RAP1GAP: variants seen among roughly 807,000 people sequenced by gnomAD.
The protein encoded by RAP1GAP is RAP1 GTPase activating protein, also known as rap1 GTPase-activating protein 1.
RAP1GAP carries 35 observed loss-of-function variants against 87.2 expected under a neutral mutation model. That is an observed-to-expected ratio of 0.40 (90% CI 0.31 to 0.53). The LOEUF is 0.53. Among genes scored for constraint, RAP1GAP ranks in the 20% least tolerant of loss-of-function variants. The pLI, the probability that RAP1GAP is intolerant of heterozygous loss-of-function variation, is 0.48. For missense variants in RAP1GAP, 734 were observed against 898.9 expected, an observed-to-expected ratio of 0.82 and a Z score of 2.35; for synonymous variants, 375 against 363.9, an observed-to-expected ratio of 1.03 and a Z score of -0.35.
rs757662169 is a variant in RAP1GAP, at chr1:21,626,413, T to G, written c.-112-16A>C. ...ATCGCTCCTCCTGGAAGAGAAAGAGTCTGAGGTCAGGGAGAGCCCCAAGCC... is the reference window on the plus strand; with the variant it reads ...ATCGCTCCTCCTGGAAGAGAAAGAGGCTGAGGTCAGGGAGAGCCCCAAGCC... On this transcript the variant is annotated splice_polypyrimidine_tract_variant and intron_variant, in intron 2 of 24. Transcript: ENST00000374765. The G allele has an allele frequency of 2.8e-5, 45 of 1,599,114 alleles. No individual in the cohort carries two copies. Among genetic ancestry groups the G allele is most frequent in the Non-Finnish European group, 3.8e-5 (44 of 1,167,162 alleles).
At chr1:21,662,065 C>T (rs991271526) in intron 1 of RAP1GAP, among the ~76,000 whole-genome samples, 6 of 152,206 alleles carry the variant, frequency 3.9e-5, no homozygotes, top group Admixed American at 2.0e-4. Context: ...TGCCCTGGCC[C>T]CATACAGACC....
chr1:21,601,594 G>A, intron 20 of RAP1GAP, 90 bp downstream of exon 20: 1 of 940,888 alleles, frequency 1.1e-6, no homozygotes, highest in South Asian at 2.0e-5. Flanking sequence ...CACAGTCAAG[G>A]CTCCTGTGCT....
At chr1:21,630,896 C>T (rs946403564) in intron 2 of RAP1GAP, among the ~76,000 whole-genome samples, 1 of 152,022 alleles carries the variant, frequency 6.6e-6, no homozygotes, top group Non-Finnish European at 1.5e-5. Flanking sequence ...AAGCCTCTTC[C>T]CTCCTCACCA....
chr1:21,654,496 G>A (rs2096780523), intron 1 of RAP1GAP, among the ~76,000 whole-genome samples: 1 of 152,250 alleles, frequency 6.6e-6, no homozygotes, highest in South Asian at 2.1e-4. Flanking sequence ...ATAAAGCACT[G>A]AGAAGAGTAG....
At chr1:21,618,884 C>T (rs1418709950) in intron 5 of RAP1GAP, 141 bp downstream of exon 5, 3 of 970,020 alleles carry the variant, frequency 3.1e-6, no homozygotes, top group Non-Finnish European at 4.6e-6. Flanking sequence ...GCTGTGCCTC[C>T]CCCCCTACCC....
At chr1:21,640,689 G>C (rs1184680972) in intron 2 of RAP1GAP, among the ~76,000 whole-genome samples, 1 of 148,856 alleles carries the variant, frequency 6.7e-6, no homozygotes, top group African/African-American at 2.5e-5. Flanking sequence ...GACTAAAATA[G>C]GTCCAGGGTC....
At chr1:21,627,694 T>A (rs904630131) in intron 2 of RAP1GAP, among the ~76,000 whole-genome samples, 10 of 151,818 alleles carry the variant, frequency 6.6e-5, no homozygotes, top group African/African-American at 2.4e-4. Flanking sequence ...AGATTATAGG[T>A]GTGAGCCACT....
At chr1:21,665,145 C>A in intron 1 of RAP1GAP, 1 of 415,254 alleles carries the variant, frequency 2.4e-6, no homozygotes, top group Non-Finnish European at 5.0e-6. Context: ...ACATACTCAT[C>A]AGGCAAGTGC....
At chr1:21,642,812 C>T (rs1344540456) in intron 2 of RAP1GAP, among the ~76,000 whole-genome samples, 1 of 151,814 alleles carries the variant, frequency 6.6e-6, no homozygotes, top group Admixed American at 6.6e-5. Context: ...TTCTCCTCCA[C>T]ATTGCTGACC....
Position 21,613,772 on chromosome 1 carries a change from C to G in RAP1GAP, c.396-66G>C, listed in dbSNP as rs2080037188. The G allele has an allele frequency of 1.4e-6, 2 of 1,480,594 alleles. No homozygotes were observed. The highest frequency in any genetic ancestry group is 1.4e-5 in the African/African-American group (1 of 72,112). 91.7% of individuals were successfully genotyped at this position (1,480,594 alleles called of 1,614,324 possible). ...GACAGGAAAATGGGAACCCCACCCC[C>G]CACAAAGTAAGGCCAGAAGGGGGTG... is the stretch of plus-strand genomic sequence containing the variant. On this transcript the variant is annotated intron_variant, in intron 8 of 24. Coordinates refer to ENST00000374765, the MANE Select transcript of RAP1GAP (RefSeq NM_002885.4). The surrounding 1 kb of genome is among the most constrained non-coding windows in gnomAD (Gnocchi z 4.7).
At chr1:21,621,026 A>G (rs1445498132) in intron 3 of RAP1GAP, among the ~76,000 whole-genome samples, 1 of 152,216 alleles carries the variant, frequency 6.6e-6, no homozygotes, top group African/African-American at 2.4e-5. Context: ...AGAGCTATAT[A>G]CTAACACACA....
At chr1:21,665,422 C>T (rs1297827778) in intron 1 of RAP1GAP, 2 of 309,784 alleles carry the variant, frequency 6.5e-6, no homozygotes, top group Non-Finnish European at 1.4e-5. Context: ...ATCTCTGTGC[C>T]CCAGTGCCTG....
rs1182692125 is a variant in RAP1GAP, at chr1:21,596,694, G to GA, written c.*604dup. The GA allele has an allele frequency of 2.0e-5, 3 of 152,244 alleles. No homozygotes were observed. Among genetic ancestry groups the GA allele is most frequent in the Non-Finnish European group, 4.4e-5 (3 of 68,032 alleles). 9.4% of individuals were successfully genotyped at this position (152,244 alleles called of 1,614,324 possible). A position where few individuals can be genotyped will look rare whatever the true frequency, so the allele number is the denominator to read the frequency against. ...TAGGGTGATAGGAGGTCCCTGGGAA[G>GA]AAAATCCTACCTTCTAAGGCAGGTG... On this transcript the variant is annotated 3_prime_UTR_variant, in exon 25 of 25. Coordinates refer to ENST00000374765, the MANE Select transcript of RAP1GAP (RefSeq NM_002885.4).
At chr1:21,602,975 T>G in intron 18 of RAP1GAP, 62 bp from the exon 19 acceptor site, 1 of 1,255,570 alleles carries the variant, frequency 8.0e-7, no homozygotes, top group Non-Finnish European at 1.1e-6. Flanking sequence ...CCCCCCCACA[T>G]CCCCTCTGGG....
rs2149264653 is a variant in RAP1GAP at position 21,609,722 on chromosome 1, G to T, written c.1000-76C>A. 1 of 1,152,666 alleles carries T rather than the reference G, an allele frequency of 8.7e-7. No individual in the cohort carries two copies. Among genetic ancestry groups the T allele is most frequent in the Non-Finnish European group, 1.2e-6 (1 of 827,268 alleles). 71.4% of individuals were successfully genotyped at this position (1,152,666 alleles called of 1,614,324 possible). Reference sequence around the variant, plus strand: ...CCCCACCCAGCCAGAAACCCCTACTGTGCCTCCCTGGACTGCCCCTTGGTC... The same window carrying T: ...CCCCACCCAGCCAGAAACCCCTACTTTGCCTCCCTGGACTGCCCCTTGGTC... On this transcript the variant is annotated intron_variant, in intron 14 of 24. Transcript: ENST00000374765. This position sits in a 1 kb window ranked among gnomAD's most constrained non-coding sequence, Gnocchi z 4.4.
rs951098291 is a variant in RAP1GAP at position 21,615,584 on chromosome 1, G to A, written c.292-1495C>T. Among the ~76,000 whole-genome samples the A allele has an allele frequency of 2.0e-5, 3 of 152,102 alleles. No homozygotes were observed. The highest frequency in any genetic ancestry group is 3.9e-4 in the East Asian group (2 of 5,188). On this transcript the variant is annotated intron_variant, in intron 7 of 24. Transcript: ENST00000374765. This position sits in a 1 kb window ranked among gnomAD's most constrained non-coding sequence, Gnocchi z 4.5. ...TTTTTGTATTTTTGTTAGAGATGGGGTTCTGCCATGTTGCTCAGGCTGGTC... is the reference window on the plus strand; with the variant it reads ...TTTTTGTATTTTTGTTAGAGATGGGATTCTGCCATGTTGCTCAGGCTGGTC...
chr1:21,652,696 T>G (rs2096663582), intron 1 of RAP1GAP, among the ~76,000 whole-genome samples: 1 of 152,010 alleles, frequency 6.6e-6, no homozygotes, highest in Non-Finnish European at 1.5e-5. Context: ...ACACTCCAAG[T>G]CGCTCTTCTG....
At position 21,650,807 on chromosome 1, in the gene RAP1GAP, G is replaced by A. The variant is rs576716565; in HGVS notation, c.-148-1011C>T. On this transcript the variant is annotated intron_variant, in intron 1 of 24. Transcript: ENST00000374765. ...ACAGCTAGCAAGACCCCATATGGAAGGGTAGCCTCTGGCCTCCCACCCCAC... is the reference window on the plus strand; with the variant it reads ...ACAGCTAGCAAGACCCCATATGGAAAGGTAGCCTCTGGCCTCCCACCCCAC... Among the ~76,000 whole-genome samples the A allele has an allele frequency of 2.5e-4, 38 of 152,268 alleles. No individual in the cohort carries two copies. The South Asian group carries it at 7.5e-3, about 30-fold the overall frequency.
At chr1:21,643,132 CA>C (rs1466779388) in intron 2 of RAP1GAP, among the ~76,000 whole-genome samples, 2 of 152,224 alleles carry the variant, frequency 1.3e-5, no homozygotes, top group African/African-American at 2.4e-5. Context: ...ACCAAGTCCC[CA>C]ACGCCCAGCA....
Sources: gnomAD v4.1 joint callset for allele counts (sites outside exome capture counted in the v4.1 genomes callset) on GRCh38, gnomAD v4.1.1 for gene constraint, Gnocchi (gnomAD v3.1) non-coding constraint, MANE v1.5 for transcripts, NCBI Gene and HGNC (gene_info 2026-07-23, HGNC 2026-07-21) for gene names.